Variants in NEK1 observed in about 807,000 individuals in gnomAD.
NEK1 encodes serine/threonine-protein kinase Nek1.
In NEK1, 137 loss-of-function variants were observed where a neutral mutation model predicts 182.1. That is an observed-to-expected ratio of 0.75 (90% CI 0.65 to 0.87). The LOEUF (loss-of-function observed/expected upper bound fraction) is 0.87. Ranked by LOEUF, NEK1 falls within the 40% of genes least tolerant of loss-of-function variation. The pLI is 0.00. For synonymous variants in NEK1, 513 were observed against 492.2 expected, an observed-to-expected ratio of 1.04 and a Z score of -0.56; for missense variants, 1,391 against 1,494.4, an observed-to-expected ratio of 0.93 and a Z score of 1.14.
intron 12 of NEK1, among the ~76,000 whole-genome samples, chr4:169,565,662 T>A (rs1044870606): frequency 6.6e-6 from 1 of 152,202 alleles, no homozygotes; most frequent in African/African-American, 2.4e-5. Flanking sequence ...ATAGATCAAC[T>A]GTGAAAACAT....
At chr4:169,463,129 A>AT (rs945380152) in intron 27 of NEK1, 114 bp downstream of exon 27, 94 of 600,280 alleles carry the variant, frequency 1.6e-4, no homozygotes, top group Admixed American at 6.2e-4. Flanking sequence ...AAAAATTATT[A>AT]TAAGAGAAAG....
intron 12 of NEK1, among the ~76,000 whole-genome samples, chr4:169,563,231 C>T (rs545169777): frequency 1.9e-4 from 29 of 151,880 alleles, no homozygotes; most frequent in African/African-American, 6.5e-4. Context: ...GCATGTGGCC[C>T]ACACCTGTTG....
Position 169,463,267 on chromosome 4 carries a change from A to T in NEK1, c.2563T>A (p.Leu855Ile). The part of the protein sequence containing the change: ...EAELQLQTEL[L>I]ENTTIRSEIS... ...CCACTTCTAATAGTTGTATTTTCTA[A>T]TAGTTCTGTCTGAAGTTGTAGTTCA... Residue 855 changes from leucine (L) to isoleucine (I), a missense_variant, in exon 27 of 36, where the codon TTA becomes ATA. Physicochemically the swap from Leu to Ile is conservative, Grantham distance 5. This residue lies in a region of NEK1 where 1,216 missense variants were observed against 1,277.6 expected (regional missense o/e 0.95). Coordinates refer to ENST00000507142, the MANE Select transcript of NEK1 (RefSeq NM_001199397.3). 2 of 1,579,942 alleles carry T rather than the reference A, an allele frequency of 1.3e-6. No individual in the cohort carries two copies. Among genetic ancestry groups the T allele is most frequent in the Non-Finnish European group, 1.7e-6 (2 of 1,163,640 alleles).
intron 18 of NEK1, among the ~76,000 whole-genome samples, chr4:169,541,598 T>C (rs1297492554): frequency 1.3e-5 from 2 of 152,076 alleles, no homozygotes; most frequent in African/African-American, 4.8e-5. Flanking sequence ...GTTTGAATCA[T>C]GGAAAGGAAT....
Position 169,561,519 on chromosome 4 carries a change from C to G in NEK1, c.1227G>C (p.Trp409Cys). The G allele has an allele frequency of 6.2e-7, 1 of 1,613,638 alleles. No homozygotes were observed. Among genetic ancestry groups the G allele is most frequent in the Non-Finnish European group, 8.5e-7 (1 of 1,179,684 alleles). The change falls in exon 16 of 36, where the codon TGG becomes TGC. Residue 409 changes from tryptophan to cysteine, a missense_variant. Physicochemically the swap from Trp to Cys is radical, Grantham distance 215 (BLOSUM62 -2). Transcript: ENST00000507142. ...TTCCACCAGCACTTAGCACATTTCT[C>G]CATCCTTGTTCCCTGGCCCTATTTA... ...ERINRAREQG[W>C]RNVLSAGGSG...
At chr4:169,574,391 C>T (rs1028689799) in intron 12 of NEK1, among the ~76,000 whole-genome samples, 1 of 151,902 alleles carries the variant, frequency 6.6e-6, no homozygotes, top group Non-Finnish European at 1.5e-5. Flanking sequence ...GTCAGGAGAT[C>T]GAGACCATCC....
chr4:169,538,667 G>T (rs1012250470), intron 18 of NEK1, among the ~76,000 whole-genome samples: 3 of 152,054 alleles, frequency 2.0e-5, no homozygotes, highest in Non-Finnish European at 4.4e-5. Context: ...TCATAGCATG[G>T]CATCAATTGT....
At chr4:169,571,172 C>CAATAAAAA (rs1340162642) in intron 12 of NEK1, among the ~76,000 whole-genome samples, 54 of 114,024 alleles carry the variant, frequency 4.7e-4, no homozygotes, top group African/African-American at 1.1e-3. Flanking sequence ...CAAGAATGAT[C>CAATAAAAA]AATAAAAAAA....
rs751377061 is a variant in NEK1 at position 169,561,893 on chromosome 4, TTAAA to T, written c.1081-6_1081-3del. 94 of 1,595,618 alleles carry T rather than the reference TTAAA, an allele frequency of 5.9e-5. No individual in the cohort carries two copies. The highest frequency in any genetic ancestry group is 7.8e-5 in the Non-Finnish European group (91 of 1,173,314). ...CAGCCTTCTCTTTCTTGCTGCTTCC[TTAAA>T]TAAAAAAAAGAACATTTTAATCCAT... On this transcript the variant is annotated splice_polypyrimidine_tract_variant and splice_region_variant and intron_variant, in intron 13 of 35. Coordinates refer to ENST00000507142, the MANE Select transcript of NEK1 (RefSeq NM_001199397.3).
At chr4:169,478,296 A>T (rs1747344588) in intron 24 of NEK1, 21 of 152,050 alleles carry the variant, frequency 1.4e-4, no homozygotes, top group Admixed American at 1.4e-3. Context: ...AAAAATTAAA[A>T]ATTTGGTGGT....
At chr4:169,502,226 C>T (rs913163502) in intron 23 of NEK1, among the ~76,000 whole-genome samples, 16 of 138,992 alleles carry the variant, frequency 1.2e-4, no homozygotes, top group African/African-American at 4.3e-4. Context: ...ATAATGAGTA[C>T]AAAATTGAAA....
intron 31 of NEK1, among the ~76,000 whole-genome samples, chr4:169,421,906 T>A (rs890053495): frequency 6.6e-6 from 1 of 152,174 alleles, no homozygotes; most frequent in South Asian, 2.1e-4. Flanking sequence ...TTTGACTTTA[T>A]AGACATTCAT....
intron 31 of NEK1, among the ~76,000 whole-genome samples, chr4:169,416,520 G>A (rs752075992): frequency 6.6e-6 from 1 of 152,162 alleles, no homozygotes; most frequent in Non-Finnish European, 1.5e-5. Context: ...ATTTAAGACA[G>A]ATCTTTGGTG....
At chr4:169,568,251 T>A (rs1412662684) in intron 12 of NEK1, among the ~76,000 whole-genome samples, 24 of 152,172 alleles carry the variant, frequency 1.6e-4, no homozygotes, top group Non-Finnish European at 2.9e-5. Context: ...CCCACAATGG[T>A]AGTTTTATTC....
chr4:169,597,229 C>T (rs1769661571), intron 5 of NEK1, among the ~76,000 whole-genome samples: 1 of 152,086 alleles, frequency 6.6e-6, no homozygotes, highest in Non-Finnish European at 1.5e-5. Flanking sequence ...TAGTAGGTAT[C>T]TCCCTATTAA....
intron 16 of NEK1, among the ~76,000 whole-genome samples, chr4:169,557,219 G>T (rs964582089): frequency 2.0e-5 from 3 of 151,986 alleles, no homozygotes; most frequent in African/African-American, 7.2e-5. Context: ...GGCAATCAAT[G>T]AAAAAGTAAC....
At chr4:169,598,409 A>G (rs1051518497) in intron 5 of NEK1, among the ~76,000 whole-genome samples, 3 of 152,188 alleles carry the variant, frequency 2.0e-5, no homozygotes, top group African/African-American at 7.2e-5. Flanking sequence ...AGATTAAAGT[A>G]GTTATGGAAA....
rs115624903 is a variant in NEK1, at chr4:169,556,276, C to A, written c.1267-181G>T. On this transcript the variant is annotated intron_variant, in intron 16 of 35. Coordinates refer to ENST00000507142, the MANE Select transcript of NEK1 (RefSeq NM_001199397.3). ...TTTTCCTATTATAACTATTAACAAC[C>A]AAAAAGCAGTATACTTTGTAATTGA... 0.012 allele frequency among the ~76,000 whole-genome samples: 1,820 copies of A among 152,002 alleles called. 32 individuals are homozygous for A. The highest frequency in any genetic ancestry group is 0.041 in the African/African-American group (1,707 of 41,502).
chr4:169,456,237 A>C (rs1742856076), intron 27 of NEK1, among the ~76,000 whole-genome samples: 1 of 152,162 alleles, frequency 6.6e-6, no homozygotes, highest in Non-Finnish European at 1.5e-5. Context: ...GGAAGTTTAT[A>C]GCTATCGGTC....
Sources: gnomAD v4.1 joint callset for allele counts (sites outside exome capture counted in the v4.1 genomes callset) on GRCh38, gnomAD v4.1.1 for gene constraint, gnomAD v4.1.1 regional missense constraint, MANE v1.5 for transcripts, NCBI Gene and HGNC (gene_info 2026-07-23, HGNC 2026-07-21) for gene names.